ZNF676: variants seen among roughly 807,000 people sequenced by gnomAD.
ZNF676 encodes the protein zinc finger protein 676.
A neutral mutation model predicts 6.0 loss-of-function variants in ZNF676; 4 were observed. The ratio of observed to expected loss-of-function variants is 0.67; its 90% CI spans 0.33 to 1.53. The LOEUF is 1.53. Ranked by LOEUF, ZNF676 falls within the 40% of genes most tolerant of loss-of-function variation. The pLI is 0.06. For synonymous variants in ZNF676, 198 were observed against 223.1 expected (o/e 0.89, Z 1.00); for missense variants, 644 against 679.7 (o/e 0.95, Z 0.58).
At chr19:22,206,583 G>A (rs1178120664) in intron 1 of ZNF676, among the ~76,000 whole-genome samples, 3 of 151,926 alleles carry the variant, frequency 2.0e-5, no homozygotes, top group Admixed American at 6.6e-5. Context: ...GCTGAGGCAG[G>A]AGAATCACTT....
chr19:22,251,517 C>T, the ZNF676 span, among the ~76,000 whole-genome samples: 3 of 152,106 alleles, frequency 2.0e-5, no homozygotes, highest in Non-Finnish European at 4.4e-5. Context: ...GCACCAGGCA[C>T]GGTGGCTCAT....
chr19:22,194,592 C>T (rs768519180), intron 1 of ZNF676, among the ~76,000 whole-genome samples: 9 of 152,204 alleles, frequency 5.9e-5, no homozygotes, highest in Admixed American at 1.3e-4. Flanking sequence ...CCTTACAATG[C>T]GGTGCTCCCC....
At chr19:22,241,267 A>G in the ZNF676 span, among the ~76,000 whole-genome samples, 4 of 151,954 alleles carry the variant, frequency 2.6e-5, no homozygotes, top group Admixed American at 2.6e-4. Flanking sequence ...TCCCAGTTTC[A>G]GGTATGAGAG....
chr19:22,240,452 C>T, the ZNF676 span, among the ~76,000 whole-genome samples: 63 of 152,030 alleles, frequency 4.1e-4, no homozygotes, highest in Admixed American at 9.8e-4. Context: ...AGACTCACAT[C>T]ACCTTTGTGC....
intron 1 of ZNF676, among the ~76,000 whole-genome samples, chr19:22,210,408 A>G (rs928193154): frequency 2.0e-5 from 3 of 152,186 alleles, no homozygotes; most frequent in Admixed American, 6.6e-5. Flanking sequence ...GGGGACTCCC[A>G]TAACCTTTTT....
At chr19:22,221,657 A>T in the ZNF676 span, among the ~76,000 whole-genome samples, 1 of 152,058 alleles carries the variant, frequency 6.6e-6, no homozygotes, top group African/African-American at 2.4e-5. Flanking sequence ...AGGCTGAGGT[A>T]GGAGAATCCC....
chr19:22,259,014 C>T, the ZNF676 span, among the ~76,000 whole-genome samples: 1 of 152,112 alleles, frequency 6.6e-6, no homozygotes, highest in African/African-American at 2.4e-5. Flanking sequence ...GTCAAAGTCT[C>T]TTAGGTTTCA....
upstream of ZNF676, among the ~76,000 whole-genome samples, chr19:22,218,207 T>C (rs1312214952): frequency 6.6e-6 from 1 of 152,230 alleles, no homozygotes; most frequent in Non-Finnish European, 1.5e-5. Context: ...ATGCACTCTT[T>C]GCCTAAGTCA....
Position 22,196,463 on chromosome 19 carries a change from G to A in ZNF676, c.34+137C>T, listed in dbSNP as rs561030572. 7.2e-6 allele frequency: 11 copies of A among 1,529,670 alleles called. No individual in the cohort carries two copies. The East Asian group carries it at 1.1e-4, about 16-fold the overall frequency. The allele number at this position is 1,529,670 out of a possible 1,614,324, so 94.8% of individuals were successfully genotyped here. On this transcript the variant is annotated intron_variant, in intron 1 of 2. Transcript: ENST00000397121. ...TGTTCACCAGAAGCAAGGAGTCCAC[G>A]ACCCCTTCTTCCAAATATACTCTTT...
chr19:22,193,768 G>A (rs1423330942), intron 1 of ZNF676, among the ~76,000 whole-genome samples: 4 of 152,034 alleles, frequency 2.6e-5, no homozygotes, highest in African/African-American at 9.7e-5. Context: ...ATTACTGTGA[G>A]GCCTGATCCA....
the ZNF676 span, among the ~76,000 whole-genome samples, chr19:22,225,884 T>C: frequency 6.6e-6 from 1 of 152,192 alleles, no homozygotes; most frequent in African/African-American, 2.4e-5. Flanking sequence ...ATTGATTTCC[T>C]AAGTGGCATT....
At position 22,196,892 on chromosome 19, in the gene ZNF676, A is replaced by C; in HGVS notation, c.-259T>G. ...TCAACACAGAAATGTTCACTAATGT[A>C]TTCTCTAACTCTGAGAAAAGAAAGT... On this transcript the variant is annotated 5_prime_UTR_variant, in exon 1 of 3. Transcript: ENST00000397121. 1 of 674,268 alleles carries C rather than the reference A, an allele frequency of 1.5e-6. No homozygotes were observed. The highest frequency in any genetic ancestry group is 2.0e-5 in the South Asian group (1 of 49,742). 41.8% of individuals were successfully genotyped at this position (674,268 alleles called of 1,614,324 possible). A position where few individuals can be genotyped will look rare whatever the true frequency, so the allele number is the denominator to read the frequency against.
chr19:22,225,604 T>C, the ZNF676 span, among the ~76,000 whole-genome samples: 17 of 151,718 alleles, frequency 1.1e-4, no homozygotes, highest in East Asian at 2.5e-3. Context: ...GCATCACCAA[T>C]AGATCTGGTT....
intron 1 of ZNF676, among the ~76,000 whole-genome samples, chr19:22,206,587 A>G (rs2024078555): frequency 6.6e-6 from 1 of 152,102 alleles, no homozygotes; most frequent in East Asian, 1.9e-4. Flanking sequence ...AGGCAGGAGA[A>G]TCACTTGAAC....
At chr19:22,183,414 C>T (rs553222415) in intron 2 of ZNF676, among the ~76,000 whole-genome samples, 4 of 152,196 alleles carry the variant, frequency 2.6e-5, no homozygotes, top group East Asian at 1.9e-4. Flanking sequence ...CTCAGCTCAC[C>T]GTAACCTCTG....
intron 2 of ZNF676, among the ~76,000 whole-genome samples, chr19:22,188,590 A>G (rs1245297437): frequency 3.3e-5 from 5 of 152,210 alleles, no homozygotes; most frequent in Non-Finnish European, 7.3e-5. Context: ...TGCAGATGAC[A>G]TGTTTGTATA....
chr19:22,243,718 C>T, the ZNF676 span: 96,778 of 151,956 alleles, frequency 0.64, 31,090 homozygotes, highest in South Asian at 0.85. Context: ...TACAGAGTCC[C>T]CACTCTCTAG....
chr19:22,253,364 G>GTATATATATA, the ZNF676 span, among the ~76,000 whole-genome samples: 2 of 51,842 alleles, frequency 3.9e-5, no homozygotes, highest in African/African-American at 1.4e-4. Context: ...GTGTGTGTGT[G>GTATATATATA]TGTGTGTGTA....
the ZNF676 span, among the ~76,000 whole-genome samples, chr19:22,221,760 A>T: frequency 6.8e-6 from 1 of 147,376 alleles, no homozygotes; most frequent in Non-Finnish European, 1.5e-5. Context: ...AAAAAAAAAA[A>T]CATCAGACTT....
Sources: gnomAD v4.1 joint callset for allele counts (sites outside exome capture counted in the v4.1 genomes callset) on GRCh38, gnomAD v4.1.1 for gene constraint, MANE v1.5 for transcripts, NCBI Gene and HGNC (gene_info 2026-07-23, HGNC 2026-07-21) for gene names.